GREB1L: variants seen among roughly 807,000 people sequenced by gnomAD.
The protein encoded by GREB1L is GREB1-like protein.
GREB1L carries 17 observed loss-of-function variants against 200.8 expected under a neutral mutation model. The ratio of observed to expected loss-of-function variants is 0.08; its 90% CI spans 0.06 to 0.13. The LOEUF is 0.13. GREB1L is among the 10% of genes least tolerant of loss of function. GREB1L has a pLI of 1.00. For synonymous variants in GREB1L, 789 were observed against 893.0 expected, an observed-to-expected ratio of 0.88 and a Z score of 2.08; for missense variants, 1,657 against 2,367.7, an observed-to-expected ratio of 0.70 and a Z score of 6.23.
intron 21 of GREB1L, among the ~76,000 whole-genome samples, chr18:21,497,374 G>A (rs2036585511): frequency 1.3e-5 from 2 of 152,230 alleles, no homozygotes; most frequent in African/African-American, 2.4e-5. Flanking sequence ...TCGGCCGGGT[G>A]CAGTGGTCCT....
chr18:21,245,684 A>G (rs895581642), intron 1 of GREB1L, among the ~76,000 whole-genome samples: 1 of 151,796 alleles, frequency 6.6e-6, no homozygotes, highest in Non-Finnish European at 1.5e-5. Context: ...TAAAAAATGT[A>G]ATGCCTATTC....
rs2040407999 is a variant in GREB1L, at chr18:21,383,492, T to C, written c.-9-18T>C. The C allele has an allele frequency of 1.3e-6, 2 of 1,488,474 alleles. No homozygotes were observed. Among genetic ancestry groups the C allele is most frequent in the African/African-American group, 2.9e-5 (2 of 69,774 alleles). The allele number at this position is 1,488,474 out of a possible 1,614,324, so 92.2% of individuals were successfully genotyped here. ...TATATCAATTTTATCCTTTCTTCTT[T>C]TTCTTGGGGATGGGTAGGTGTAGAT... is the stretch of plus-strand genomic sequence containing the variant. On this transcript the variant is annotated intron_variant, in intron 2 of 32. Coordinates refer to ENST00000424526, the MANE Select transcript of GREB1L (RefSeq NM_001142966.3).
chr18:21,282,823 C>T lies in GREB1L; in HGVS notation c.-120+40430C>T, dbSNP rs534331305. Among the ~76,000 whole-genome samples the T allele has an allele frequency of 1.2e-4, 19 of 152,300 alleles. No homozygotes were observed. The South Asian group carries it at 2.9e-3, about 23-fold the overall frequency. The stretch of plus-strand genomic sequence containing the variant: ...CCATATTGGCCAGGCTGGTCTCGAA[C>T]CCCTGACCTTATGATCCTCCTGCCT... On this transcript the variant is annotated intron_variant, in intron 1 of 32. Transcript: ENST00000424526.
intron 1 of GREB1L, among the ~76,000 whole-genome samples, chr18:21,269,131 G>C (rs1255404740): frequency 6.6e-6 from 1 of 151,954 alleles, no homozygotes; most frequent in Admixed American, 6.6e-5. Flanking sequence ...GTACTTTCTG[G>C]GATGAAGATG....
intron 1 of GREB1L, among the ~76,000 whole-genome samples, chr18:21,305,027 G>A (rs773499647): frequency 6.6e-5 from 10 of 151,598 alleles, no homozygotes; most frequent in Admixed American, 6.6e-4. Flanking sequence ...TTGCCAGGCT[G>A]GAGTGCAGTG....
rs774633362 is a variant in GREB1L, at chr18:21,478,788, A to G, written c.2556+1432A>G. Among the ~76,000 whole-genome samples the G allele has an allele frequency of 2.0e-5, 3 of 152,222 alleles. No individual in the cohort carries two copies. The East Asian group carries it at 5.8e-4, about 29-fold the overall frequency. ...GCCAGAGTTCCTTTGCCTCCAAACT[A>G]CAAGGGGAGCCTGTGGGCTACCCAA... On this transcript the variant is annotated intron_variant, in intron 17 of 32. Coordinates refer to ENST00000424526, the MANE Select transcript of GREB1L (RefSeq NM_001142966.3).
chr18:21,363,279 T>TCC (rs71369899), intron 1 of GREB1L, among the ~76,000 whole-genome samples: 1 of 5,004 alleles, frequency 2.0e-4, no homozygotes, highest in Non-Finnish European at 3.6e-4. Context: ...CCACTCCGCC[T>TCC]CCCCCCCGCC....
At chr18:21,353,973 T>C (rs2039470330) in intron 1 of GREB1L, among the ~76,000 whole-genome samples, 1 of 152,138 alleles carries the variant, frequency 6.6e-6, no homozygotes, top group South Asian at 2.1e-4. Context: ...TTTTTTGGTA[T>C]AGACAGGGTT....
rs533954631 is a variant in GREB1L, at chr18:21,405,270, A to T, written c.832+1276A>T. 2.1e-3 allele frequency among the ~76,000 whole-genome samples: 315 copies of T among 152,380 alleles called. 1 individual carries two copies. The highest frequency in any genetic ancestry group is 3.5e-3 in the Non-Finnish European group (235 of 68,040). The stretch of plus-strand genomic sequence containing the variant: ...GCATTTGGCTCTGGCCATTGAAAGC[A>T]TAGCCTTCATTACATTAATGAAACA... On this transcript the variant is annotated intron_variant, in intron 7 of 32. Coordinates refer to ENST00000424526, the MANE Select transcript of GREB1L (RefSeq NM_001142966.3).
At chr18:21,485,445 A>T in intron 17 of GREB1L, 175 bp from the exon 18 acceptor site, 1 of 452,990 alleles carries the variant, frequency 2.2e-6, no homozygotes, top group Non-Finnish European at 3.9e-6. Flanking sequence ...AGTTTCACTT[A>T]GTGCCTCAGA....
At chr18:21,370,502 G>A (rs894781845) in intron 2 of GREB1L, among the ~76,000 whole-genome samples, 1 of 152,196 alleles carries the variant, frequency 6.6e-6, no homozygotes. Context: ...ATCAGGGAAT[G>A]TTTTTAATAG....
chr18:21,486,956 A>G lies in GREB1L; in HGVS notation c.2690+1203A>G, dbSNP rs560189544. On this transcript the variant is annotated intron_variant, in intron 18 of 32. Coordinates refer to ENST00000424526, the MANE Select transcript of GREB1L (RefSeq NM_001142966.3). ...AAAAGAAAAGGAAATTAAAATGAGGACCTATGGATGCATCCTATTCAGTAG... is the reference window on the plus strand; with the variant it reads ...AAAAGAAAAGGAAATTAAAATGAGGGCCTATGGATGCATCCTATTCAGTAG... Among the ~76,000 whole-genome samples the G allele has an allele frequency of 7.5e-4, 115 of 152,336 alleles. 3 individuals are homozygous for G. The South Asian group carries it at 0.022, about 29-fold the overall frequency.
At chr18:21,311,693 C>T (rs1265963491) in intron 1 of GREB1L, among the ~76,000 whole-genome samples, 2 of 151,828 alleles carry the variant, frequency 1.3e-5, no homozygotes, top group South Asian at 2.1e-4. Context: ...TTGGTGCAAT[C>T]GAATATAACC....
intron 1 of GREB1L, among the ~76,000 whole-genome samples, chr18:21,276,552 G>C (rs1334919992): frequency 1.3e-5 from 2 of 152,062 alleles, no homozygotes; most frequent in African/African-American, 4.8e-5. Flanking sequence ...ATCCTTTCCA[G>C]CTCTCTGAAA....
At chr18:21,505,078 A>G (rs1274650178) in intron 23 of GREB1L, among the ~76,000 whole-genome samples, 1 of 152,190 alleles carries the variant, frequency 6.6e-6, no homozygotes, top group Admixed American at 6.5e-5. Context: ...TCAGTATATT[A>G]ACACCCCACA....
chr18:21,507,516 G>A (rs559081502), intron 25 of GREB1L, among the ~76,000 whole-genome samples: 8 of 152,234 alleles, frequency 5.3e-5, no homozygotes, highest in African/African-American at 1.9e-4. Context: ...CACTGAGATA[G>A]GTTACTGAAA....
chr18:21,280,426 T>C (rs1370957020), intron 1 of GREB1L, among the ~76,000 whole-genome samples: 1 of 151,870 alleles, frequency 6.6e-6, no homozygotes, highest in Non-Finnish European at 1.5e-5. Flanking sequence ...TATTCCATGG[T>C]GTGGATGTAC....
chr18:21,368,417 A>G (rs927359219), intron 2 of GREB1L, among the ~76,000 whole-genome samples: 3 of 152,228 alleles, frequency 2.0e-5, no homozygotes, highest in Non-Finnish European at 4.4e-5. Context: ...AGCAGATGAC[A>G]GAGTGGAAAG....
intron 17 of GREB1L, among the ~76,000 whole-genome samples, chr18:21,479,124 C>T (rs1222909788): frequency 2.0e-5 from 3 of 152,060 alleles, no homozygotes; most frequent in African/African-American, 7.2e-5. Context: ...TCAGTTGATC[C>T]ACTCACCTCG....
Sources: gnomAD v4.1 joint callset for allele counts (sites outside exome capture counted in the v4.1 genomes callset) on GRCh38, gnomAD v4.1.1 for gene constraint, MANE v1.5 for transcripts, NCBI Gene and HGNC (gene_info 2026-07-23, HGNC 2026-07-21) for gene names.